DDX59: variants seen among roughly 807,000 people sequenced by gnomAD.
DDX59 encodes the protein probable ATP-dependent RNA helicase DDX59.
A neutral mutation model predicts 51.9 loss-of-function variants in DDX59; 30 were observed. The observed-to-expected ratio is 0.58, with a 90% CI of 0.43 to 0.78. The LOEUF is 0.78. Among genes scored for constraint, DDX59 ranks in the 30% least tolerant of loss-of-function variants. The pLI is 0.00. For synonymous variants in DDX59, 255 were observed against 253.3 expected, an observed-to-expected ratio of 1.01 and a Z score of -0.06; for missense variants, 672 against 730.8, an observed-to-expected ratio of 0.92 and a Z score of 0.93.
At chr1:200,643,493 A>G (rs1661110907), downstream of DDX59, among the ~76,000 whole-genome samples, 2 of 151,142 alleles carry the variant, frequency 1.3e-5, no homozygotes, top group Non-Finnish European at 2.9e-5. Context: ...AATACAAAAA[A>G]TTAGCCGGGC....
chr1:200,668,782 GTCTA>G (rs756424020), intron 1 of DDX59, among the ~76,000 whole-genome samples: 56 of 152,202 alleles, frequency 3.7e-4, no homozygotes, highest in Middle Eastern at 3.4e-3. Flanking sequence ...TCTCTCTAAA[GTCTA>G]TCTAAGAGCT....
downstream of DDX59, among the ~76,000 whole-genome samples, chr1:200,642,296 T>C (rs971346810): frequency 1.3e-5 from 2 of 152,138 alleles, no homozygotes; most frequent in African/African-American, 4.8e-5. Flanking sequence ...AAAAATCTAT[T>C]ATTTAAAATT....
At chr1:200,651,537 G>A (rs907948954) in intron 4 of DDX59, among the ~76,000 whole-genome samples, 5 of 152,044 alleles carry the variant, frequency 3.3e-5, no homozygotes, top group African/African-American at 9.7e-5. Context: ...TTTGATCCCC[G>A]ACTTCCCAGC....
At chr1:200,643,198 A>T (rs139469347), downstream of DDX59, among the ~76,000 whole-genome samples, 69 of 151,970 alleles carry the variant, frequency 4.5e-4, 2 homozygotes, top group East Asian at 0.013. Flanking sequence ...AGGTGGGAGG[A>T]TTGTTGGAGC....
rs562440820 is a variant in DDX59 at position 200,660,649 on chromosome 1, T to A, written c.973-1533A>T. On this transcript the variant is annotated intron_variant, in intron 3 of 7. Transcript: ENST00000331314. Reference sequence around the variant, plus strand: ...GTCAGTTACAAACATGAATGAATCCTGTTGCATTGAATTGGAATTGGAAGT... The same window carrying A: ...GTCAGTTACAAACATGAATGAATCCAGTTGCATTGAATTGGAATTGGAAGT... 2.6e-5 allele frequency among the ~76,000 whole-genome samples: 4 copies of A among 152,346 alleles called. No homozygotes were observed. In the South Asian group the frequency reaches 6.2e-4, roughly 24 times the overall value.
At chr1:200,669,298 A>T (rs529683319) in intron 1 of DDX59, among the ~76,000 whole-genome samples, 27 of 152,346 alleles carry the variant, frequency 1.8e-4, no homozygotes, top group African/African-American at 6.0e-4. Context: ...ATTCCAACAG[A>T]AATGCAACCG....
chr1:200,667,707 G>A (rs1662863668), intron 1 of DDX59, among the ~76,000 whole-genome samples: 1 of 152,106 alleles, frequency 6.6e-6, no homozygotes, highest in Non-Finnish European at 1.5e-5. Flanking sequence ...AAATCATAGA[G>A]AAAATGCTAT....
intron 3 of DDX59, among the ~76,000 whole-genome samples, chr1:200,662,020 C>T (rs1284683460): frequency 1.3e-5 from 2 of 152,158 alleles, no homozygotes; most frequent in Non-Finnish European, 2.9e-5. Flanking sequence ...GCTCTGGCCA[C>T]GTGAAGCTCC....
chr1:200,652,052 A>G (rs1042865885), intron 4 of DDX59, among the ~76,000 whole-genome samples: 1 of 152,066 alleles, frequency 6.6e-6, no homozygotes, highest in African/African-American at 2.4e-5. Context: ...TTCAGTTGCA[A>G]ATACAATCCA....
In DDX59 at chr1:200,650,474, A is replaced by C. The variant is rs1349964900; in HGVS notation, c.1265T>G (p.Leu422Trp). ...CTTTTTGGCTGGGTCTTCTACCCACAAAATAATCTGACGTACATTGGCACA... is the reference window on the plus strand; with the variant it reads ...CTTTTTGGCTGGGTCTTCTACCCACCAAATAATCTGACGTACATTGGCACA... The part of the protein sequence containing the change: ...LPCANVRQII[L>W]WVEDPAKKKK... The change falls in exon 5 of 8, where the codon TTG (leucine) becomes TGG (tryptophan). Residue 422 changes from leucine to tryptophan, a missense_variant. Physicochemically the swap from Leu to Trp is moderately conservative, Grantham distance 61. Coordinates refer to ENST00000331314, the MANE Select transcript of DDX59 (RefSeq NM_001031725.6). The C allele has an allele frequency of 6.2e-7, 1 of 1,613,982 alleles. No individual in the cohort carries two copies. The highest frequency in any genetic ancestry group is 1.1e-5 in the South Asian group (1 of 91,070).
chr1:200,645,151 T>C (rs1011875461), intron 7 of DDX59, among the ~76,000 whole-genome samples: 1 of 152,194 alleles, frequency 6.6e-6, no homozygotes, highest in African/African-American at 2.4e-5. Context: ...ATGTTTCTTA[T>C]TGTGGGTGGG....
chr1:200,665,879 G>A, intron 2 of DDX59, 58 bp downstream of exon 2: 1 of 1,494,800 alleles, frequency 6.7e-7, no homozygotes, highest in Non-Finnish European at 8.9e-7. Context: ...ATGAAACTTG[G>A]TAAATACCTC....
chr1:200,643,924 G>A (rs1025430604), downstream of DDX59: 2 of 192,008 alleles, frequency 1.0e-5, no homozygotes, highest in African/African-American at 2.4e-5. Flanking sequence ...TTGTGGAACT[G>A]TGGGGGAACC....
At chr1:200,652,811 GGTGTGACC>G (rs1456275115) in intron 4 of DDX59, among the ~76,000 whole-genome samples, 1 of 144,468 alleles carries the variant, frequency 6.9e-6, no homozygotes, top group Non-Finnish European at 1.6e-5. Context: ...TGGGACCACA[GGTGTGACC>G]ACAGGCATGT....
intron 5 of DDX59, among the ~76,000 whole-genome samples, chr1:200,650,166 G>A (rs767964414): frequency 1.9e-4 from 29 of 152,082 alleles, no homozygotes; most frequent in Non-Finnish European, 3.1e-4. Flanking sequence ...TTTCAAAGGA[G>A]AACATATTCC....
chr1:200,645,677 AAG>A (rs1291019656), intron 7 of DDX59, among the ~76,000 whole-genome samples: 2 of 152,218 alleles, frequency 1.3e-5, no homozygotes, highest in African/African-American at 4.8e-5. Flanking sequence ...AACTCTTCAA[AAG>A]AGGGGGAAAA....
chr1:200,644,508 C>A lies in DDX59; in HGVS notation c.1606G>T (p.Val536Leu), dbSNP rs1448019778. 6.4e-7 allele frequency: 1 copy of A among 1,568,908 alleles called. No homozygotes were observed. Among genetic ancestry groups the A allele is most frequent in the South Asian group, 1.2e-5 (1 of 83,968 alleles). Residue 536 changes from valine (V) to leucine (L), a missense_variant, in exon 8 of 8, where the codon GTA becomes TTA. By Grantham distance (32) the Val-to-Leu change is conservative. Transcript: ENST00000331314. Reference protein sequence around the residue: ...MDEYVHQIGRVGRLGQNGTAI... With the variant: ...MDEYVHQIGRLGRLGQNGTAI... ...GTTCCATTTTGACCTAATCTTCCTA[C>A]TCTTCCAATCTGAAATAAAATGCAA...
rs192979515 is a variant in DDX59 at position 200,648,881 on chromosome 1, G to A, written c.1467+193C>T. ...TAATCTATTTAGTATATATTCCCTA[G>A]AGAACAGGCTATTGCTCCCCAAACA... On this transcript the variant is annotated intron_variant, in intron 6 of 7. Transcript: ENST00000331314. Among the ~76,000 whole-genome samples, 258 of 152,240 alleles carry A rather than the reference G, an allele frequency of 1.7e-3. 1 individual carries two copies. Among genetic ancestry groups the A allele is most frequent in the Admixed American group, 2.6e-3 (40 of 15,286 alleles).
intron 4 of DDX59, among the ~76,000 whole-genome samples, chr1:200,655,456 A>C (rs1661960995): frequency 6.6e-6 from 1 of 152,072 alleles, no homozygotes. Context: ...ACTACTCAAT[A>C]ATTTAGAAAG....
Sources: allele counts gnomAD v4.1 joint callset (sites outside exome capture counted in the v4.1 genomes callset), GRCh38; gene constraint gnomAD v4.1.1; transcripts MANE v1.5; gene names NCBI Gene and HGNC (gene_info 2026-07-23, HGNC 2026-07-21).